Variants in COL4A1 observed in about 807,000 individuals in gnomAD.
COL4A1 encodes collagen type IV alpha 1 chain, also known as collagen alpha-1(IV) chain.
Under a neutral mutation model 216.6 loss-of-function variants are expected in COL4A1, and 40 were observed. The observed-to-expected ratio is 0.18, with a 90% confidence interval of 0.14 to 0.24. COL4A1 has a LOEUF of 0.24. Ranked by LOEUF, COL4A1 falls within the 10% of genes least tolerant of loss-of-function variation. The probability of loss-of-function intolerance (pLI) is 1.00; values close to 1 mark genes in which losing one functional copy is unlikely to be tolerated. For missense variants in COL4A1, 1,628 were observed against 2,196.8 expected (o/e 0.74, Z 5.18); for synonymous variants, 839 against 810.7 (o/e 1.03, Z -0.59).
chr13:110,177,788 G>T, intron 33 of COL4A1, 54 bp downstream of exon 33: 1 of 1,563,694 alleles, frequency 6.4e-7, no homozygotes, highest in Non-Finnish European at 8.8e-7. Flanking sequence ...AATTTCCCAA[G>T]TGGCATCGAG....
chr13:110,181,870 T>C (rs9521635), intron 28 of COL4A1, among the ~76,000 whole-genome samples: 58,012 of 152,002 alleles, frequency 0.38, 11,036 homozygotes, highest in African/African-American at 0.41. Context: ...TGGGCCCCGC[T>C]CTGGAAGCTC....
Position 110,163,571 on chromosome 13 carries a change from A to G in COL4A1, c.4151-10T>C, listed in dbSNP as rs756588136. The G allele has an allele frequency of 2.5e-6, 4 of 1,610,664 alleles. No homozygotes were observed. The African/African-American group carries it at 4.0e-5, about 16-fold the overall frequency. ...ACCAATCCTGTAACACCTGAGGCAGAGGAAAAATAATTTATGATCCTGTAT... is the reference window on the plus strand; with the variant it reads ...ACCAATCCTGTAACACCTGAGGCAGGGGAAAAATAATTTATGATCCTGTAT... On this transcript the variant is annotated splice_polypyrimidine_tract_variant and intron_variant, in intron 46 of 51. Coordinates refer to ENST00000375820, the MANE Select transcript of COL4A1 (RefSeq NM_001845.6).
intron 2 of COL4A1, among the ~76,000 whole-genome samples, chr13:110,219,200 A>G (rs1016135558): frequency 2.6e-5 from 4 of 152,182 alleles, no homozygotes; most frequent in Admixed American, 6.5e-5. Flanking sequence ...GACAGATGCA[A>G]GGAGATCCCC....
intron 1 of COL4A1, 120 bp downstream of exon 1, chr13:110,306,824 G>T: frequency 2.2e-6 from 2 of 896,784 alleles, no homozygotes; most frequent in Non-Finnish European, 3.1e-6. Context: ...GAATGCACCT[G>T]GCCGTGCCAC....
At chr13:110,246,696 T>G in intron 1 of COL4A1, among the ~76,000 whole-genome samples, 1 of 152,194 alleles carries the variant, frequency 6.6e-6, no homozygotes, top group East Asian at 1.9e-4. Context: ...ATTCTCCCGG[T>G]GTCTGGATGA....
At chr13:110,303,892 G>A (rs909636187) in intron 1 of COL4A1, among the ~76,000 whole-genome samples, 1 of 152,224 alleles carries the variant, frequency 6.6e-6, no homozygotes, top group Non-Finnish European at 1.5e-5. Context: ...AGGCACAAAC[G>A]GGTCCGTGTG....
chr13:110,215,287 GGCTC>G (rs67714061), intron 2 of COL4A1, among the ~76,000 whole-genome samples: 116,219 of 151,682 alleles, frequency 0.77, 45,012 homozygotes, highest in East Asian at 0.95. Context: ...TGGGTGCGGT[GGCTC>G]GCTCATGCCT....
chr13:110,188,592 A>G (rs1878498686), intron 24 of COL4A1, among the ~76,000 whole-genome samples: 1 of 152,230 alleles, frequency 6.6e-6, no homozygotes, highest in Non-Finnish European at 1.5e-5. Context: ...TGGAACTGGG[A>G]TCCACATTTA....
chr13:110,252,537 TATGTA>T (rs1882149324), intron 1 of COL4A1, among the ~76,000 whole-genome samples: 1 of 9,910 alleles, frequency 1.0e-4, no homozygotes, highest in Admixed American at 2.2e-3. Flanking sequence ...TATACGTATA[TATGTA>T]TTATATATAC....
intron 49 of COL4A1, among the ~76,000 whole-genome samples, chr13:110,157,208 T>C (rs1430745976): frequency 1.3e-5 from 2 of 152,174 alleles, no homozygotes; most frequent in Non-Finnish European, 2.9e-5. Context: ...AGAACGAAAA[T>C]GCAGTTCTCC....
At chr13:110,186,267 T>C in intron 26 of COL4A1, 118 bp downstream of exon 26, 1 of 1,317,356 alleles carries the variant, frequency 7.6e-7, no homozygotes, top group Admixed American at 1.7e-5. Context: ...CCTGGAAGAA[T>C]CAAAGCCAAG....
intron 1 of COL4A1, among the ~76,000 whole-genome samples, chr13:110,279,322 C>T (rs902358885): frequency 2.0e-5 from 3 of 152,166 alleles, no homozygotes; most frequent in African/African-American, 7.2e-5. Context: ...ACACCTGAGG[C>T]CCTTCTCAGT....
At chr13:110,243,754 T>A (rs955138201) in intron 1 of COL4A1, among the ~76,000 whole-genome samples, 1 of 152,236 alleles carries the variant, frequency 6.6e-6, no homozygotes, top group Non-Finnish European at 1.5e-5. Context: ...TCAGCGATCA[T>A]CTTATTTAAT....
chr13:110,196,832 G>A (rs1025667497), intron 21 of COL4A1, among the ~76,000 whole-genome samples: 3 of 152,178 alleles, frequency 2.0e-5, no homozygotes, highest in Non-Finnish European at 4.4e-5. Flanking sequence ...TGTGGTTAAT[G>A]CTCTATCGAT....
intron 51 of COL4A1, 78 bp from the exon 52 acceptor site, chr13:110,150,522 G>A: frequency 7.0e-7 from 1 of 1,428,376 alleles, no homozygotes; most frequent in Non-Finnish European, 9.8e-7. Flanking sequence ...GCCCTGCTCG[G>A]AAATCTCTAA....
intron 24 of COL4A1, chr13:110,191,511 C>A (rs1476506847): frequency 2.0e-6 from 1 of 492,322 alleles, no homozygotes; most frequent in South Asian, 3.7e-5. Flanking sequence ...CTTCAAAATT[C>A]AAGATTATTA....
Position 110,201,525 on chromosome 13 carries a change from G to A in COL4A1, c.1000-3C>T, listed in dbSNP as rs1367590831. 1 of 1,613,806 alleles carries A rather than the reference G, an allele frequency of 6.2e-7. No individual in the cohort carries two copies. Among genetic ancestry groups the A allele is most frequent in the Non-Finnish European group, 8.5e-7 (1 of 1,179,784 alleles). Reference sequence around the variant, plus strand: ...CCCAAAGGTCCTGTGCCTATAACCTGAATCGAGAAGGAAAAGGTGATCATC... The same window carrying A: ...CCCAAAGGTCCTGTGCCTATAACCTAAATCGAGAAGGAAAAGGTGATCATC... On this transcript the variant is annotated splice_region_variant and splice_polypyrimidine_tract_variant and intron_variant, in intron 18 of 51. Coordinates refer to ENST00000375820, the MANE Select transcript of COL4A1 (RefSeq NM_001845.6).
intron 49 of COL4A1, chr13:110,160,942 C>T: frequency 2.0e-6 from 1 of 506,324 alleles, no homozygotes. Context: ...CTCCTGAGCT[C>T]AAGCAACCCT....
chr13:110,169,431 C>T (rs956277839), intron 43 of COL4A1, among the ~76,000 whole-genome samples, 198 bp downstream of exon 43: 7 of 148,378 alleles, frequency 4.7e-5, no homozygotes, highest in Non-Finnish European at 8.9e-5. Context: ...ACTCTGATGC[C>T]AATAAAGATG....
Sources: allele counts gnomAD v4.1 joint callset (sites outside exome capture counted in the v4.1 genomes callset), GRCh38; gene constraint gnomAD v4.1.1; transcripts MANE v1.5; gene names NCBI Gene and HGNC (gene_info 2026-07-23, HGNC 2026-07-21).